Variants in TRPM1 observed in about 807,000 individuals in gnomAD.
TRPM1 encodes TRPM1-203 APA Isoform, Intron 10.
TRPM1 carries 113 observed loss-of-function variants against 149.4 expected under a neutral mutation model. The observed-to-expected ratio is 0.76, with a 90% CI of 0.65 to 0.88. TRPM1 has a LOEUF of 0.88. Ranked by LOEUF, TRPM1 falls within the 40% of genes least tolerant of loss-of-function variation. The pLI, the probability that TRPM1 is intolerant of heterozygous loss-of-function variation, is 0.00. For synonymous variants in TRPM1, 741 were observed against 759.5 expected (o/e 0.98, Z 0.40); for missense variants, 1,976 against 2,038.7 (o/e 0.97, Z 0.59).
intron 1 of TRPM1, among the ~76,000 whole-genome samples, chr15:31,154,420 T>C (rs2036341652): frequency 2.6e-5 from 4 of 152,174 alleles, no homozygotes; most frequent in Admixed American, 2.6e-4. Flanking sequence ...ACAGGAATTG[T>C]TTTGAATCTG....
chr15:31,087,231 ATTTTTTTTTTTTTTTTT>A (rs58872566), intron 1 of TRPM1, among the ~76,000 whole-genome samples: 2 of 59,402 alleles, frequency 3.4e-5, no homozygotes, highest in Admixed American at 2.5e-4. Flanking sequence ...CTCAATAGGG[ATTTTTTTTTTTTTTTTT>A]TTTTTTTTTT....
intron 27 of TRPM1, among the ~76,000 whole-genome samples, chr15:31,005,257 G>A (rs775021979): frequency 2.6e-5 from 4 of 151,932 alleles, no homozygotes; most frequent in South Asian, 4.1e-4. Flanking sequence ...AGATATTGCC[G>A]CTGTGCAAAC....
chr15:31,015,161 A>AC (rs71106665), intron 27 of TRPM1, among the ~76,000 whole-genome samples: 152,317 of 152,322 alleles, frequency 1, 76,156 homozygotes, highest in Non-Finnish European at 1. Context: ...TAATCCCAGC[A>AC]TTTGGGAGGC....
chr15:31,094,678 C>T (rs1338144468), intron 1 of TRPM1, among the ~76,000 whole-genome samples: 1 of 152,158 alleles, frequency 6.6e-6, no homozygotes, highest in Non-Finnish European at 1.5e-5. Flanking sequence ...CACTTCATTC[C>T]TACTAGGATG....
chr15:31,002,394 G>A lies in TRPM1; in HGVS notation c.4306C>T (p.Pro1436Ser), dbSNP rs1466547591. 1 of 1,614,252 alleles carries A rather than the reference G, an allele frequency of 6.2e-7. No individual in the cohort carries two copies. The highest frequency in any genetic ancestry group is 1.3e-5 in the African/African-American group (1 of 75,070). The change falls in exon 28 of 28, where the codon CCC (proline) becomes TCC (serine). Residue 1436 changes from proline to serine, a missense_variant. Transcript: ENST00000256552. ...CGTGTAATTTTGGTTTCTTCCAGGG[G>A]ATAGGAAATAGTGCCTTCTATATTT... ...TTNIEGTISY[P>S]LEETKITRYF...
chr15:31,111,895 A>ACC (rs548952056), intron 1 of TRPM1, among the ~76,000 whole-genome samples: 4 of 151,782 alleles, frequency 2.6e-5, no homozygotes, highest in Admixed American at 6.6e-5. Flanking sequence ...CAAAGCACCC[A>ACC]CCCCCCCAAA....
At position 31,063,204 on chromosome 15, in the gene TRPM1, C is replaced by T. The variant is rs749773584; in HGVS notation, c.879G>A (p.Glu293=). 6.2e-7 allele frequency: 1 copy of T among 1,614,218 alleles called. No homozygotes were observed. The highest frequency in any genetic ancestry group is 1.1e-5 in the South Asian group (1 of 91,084). Residue 293 remains glutamate (E), a synonymous_variant, in exon 8 of 28, where the codon GAG becomes GAA. Transcript: ENST00000256552. The part of the protein sequence containing the change: ...VSIVLEYLQE[E]PPIPVVICDG... Reference sequence around the variant, plus strand: ...CACAAATCACCACAGGGATGGGAGGCTCTTCTTGCAGGTATTCCAAGACGA... The same window carrying T: ...CACAAATCACCACAGGGATGGGAGGTTCTTCTTGCAGGTATTCCAAGACGA...
intron 1 of TRPM1, among the ~76,000 whole-genome samples, chr15:31,090,466 A>C (rs2035204771): frequency 6.6e-6 from 1 of 152,088 alleles, no homozygotes; most frequent in African/African-American, 2.4e-5. Flanking sequence ...GTGAAATGCC[A>C]TCTTTACTAA....
chr15:31,129,911 C>T (rs1366741751), intron 1 of TRPM1, among the ~76,000 whole-genome samples: 2 of 152,214 alleles, frequency 1.3e-5, no homozygotes, highest in African/African-American at 2.4e-5. Context: ...CTGTCAGGGA[C>T]ATTCTGCAGA....
chr15:31,076,497 T>C (rs1402476706), intron 3 of TRPM1, among the ~76,000 whole-genome samples: 1 of 152,246 alleles, frequency 6.6e-6, no homozygotes, highest in East Asian at 1.9e-4. Flanking sequence ...CCAAATCCTT[T>C]AATAAAGTTA....
In TRPM1 at chr15:31,002,974, T is replaced by C. The variant is rs761140696; in HGVS notation, c.3726A>G (p.Leu1242=). The C allele has an allele frequency of 1.1e-5, 17 of 1,597,242 alleles. No homozygotes were observed. The highest frequency in any genetic ancestry group is 4.5e-5 in the East Asian group (2 of 44,708). Residue 1242 remains leucine, a synonymous_variant, in exon 28 of 28, where the codon CTA becomes CTG. Transcript: ENST00000256552. ...TCACCATTCTGTTAGATAATTCTTC[T>C]AGCTGAGCAAGTCGAAGGTCAACAG... ...LQTVDLRLAQ[L]EELSNRMVNA...
In TRPM1 at chr15:31,049,492, T is replaced by C. The variant is rs755094572; in HGVS notation, c.1455A>G (p.Gln485=). 14 of 1,613,930 alleles carry C rather than the reference T, an allele frequency of 8.7e-6. No individual in the cohort carries two copies. The highest frequency in any genetic ancestry group is 1.2e-5 in the Non-Finnish European group (14 of 1,180,040). Reference sequence around the variant, plus strand: ...CTAAGACTAAAGCATCTAGCATCGCTTGCTCCAAAGCATTCACCTGCAGGG... The same window carrying C: ...CTAAGACTAAAGCATCTAGCATCGCCTGCTCCAAAGCATTCACCTGCAGGG... ...ELLNWVNALE[Q]AMLDALVLDR... is the part of the protein sequence containing the mutation. Residue 485 remains glutamine (Q), a synonymous_variant, in exon 13 of 28, where the codon CAA becomes CAG. Coordinates refer to ENST00000256552, the MANE Select transcript of TRPM1 (RefSeq NM_001252024.2).
chr15:31,091,442 C>T (rs1317634924), intron 1 of TRPM1, among the ~76,000 whole-genome samples: 2 of 152,222 alleles, frequency 1.3e-5, no homozygotes, highest in African/African-American at 2.4e-5. Flanking sequence ...CAGATCTCAG[C>T]ACCACCTGTT....
Position 31,032,837 on chromosome 15 carries a change from C to G in TRPM1, c.2804G>C (p.Gly935Ala), listed in dbSNP as rs1379774980. 6.2e-7 allele frequency: 1 copy of G among 1,614,206 alleles called. No homozygotes were observed. The highest frequency in any genetic ancestry group is 8.5e-7 in the Non-Finnish European group (1 of 1,180,044). Residue 935 changes from glycine to alanine, a missense_variant, in exon 22 of 28, where the codon GGA becomes GCA. Around this residue, in one of 3 missense-constraint regions of TRPM1, gnomAD observed 1,332 missense variants for 1,347.1 expected, o/e 0.99. Transcript: ENST00000256552. ...CTGGTTCTGTAGGCGAAGAATTGCT[C>G]CAATCATGAATGTGGAAATGGCCAC... Reference protein sequence around the residue: ...DLVAISTFMIGAILRLQNQPY... With the variant: ...DLVAISTFMIAAILRLQNQPY...
At position 31,040,978 on chromosome 15, in the gene TRPM1, G is replaced by A. The variant is rs2033596504; in HGVS notation, c.2088-632C>T. ...TTCTCAGTGCTATGACAGGGATGAG[G>A]CATAGTTGTCATAGGGCCCAGGCCA... On this transcript the variant is annotated intron_variant, in intron 17 of 27. Transcript: ENST00000256552. The surrounding 1 kb of genome is among the most constrained non-coding windows in gnomAD (Gnocchi z 4.2). Among the ~76,000 whole-genome samples, 3 of 152,186 alleles carry A rather than the reference G, an allele frequency of 2.0e-5. No homozygotes were observed. The highest frequency in any genetic ancestry group is 1.3e-4 in the Admixed American group (2 of 15,280).
chr15:31,010,591 C>A (rs1002630852), intron 27 of TRPM1, among the ~76,000 whole-genome samples: 7 of 151,980 alleles, frequency 4.6e-5, no homozygotes, highest in African/African-American at 1.5e-4. Context: ...TCCAAATTTT[C>A]ATTTGTTATT....
At chr15:31,038,470 T>C (rs1042160640) in intron 18 of TRPM1, among the ~76,000 whole-genome samples, 1 of 152,242 alleles carries the variant, frequency 6.6e-6, no homozygotes, top group East Asian at 1.9e-4. Flanking sequence ...CCAGCACTTT[T>C]GGGAGGCCAA....
At chr15:31,003,093 T>C (rs1319036147) in intron 27 of TRPM1, 23 bp from the exon 28 acceptor site, 1 of 1,581,716 alleles carries the variant, frequency 6.3e-7, no homozygotes, top group East Asian at 2.2e-5. Flanking sequence ...AAGGGATAGA[T>C]TTATTAAACT....
intron 1 of TRPM1, among the ~76,000 whole-genome samples, chr15:31,087,078 G>A (rs2035021564): frequency 6.6e-6 from 1 of 151,936 alleles, no homozygotes; most frequent in Admixed American, 6.6e-5. Flanking sequence ...GAAATAACAA[G>A]TGCTGGTGAG....
Sources: allele counts gnomAD v4.1 joint callset (sites outside exome capture counted in the v4.1 genomes callset), GRCh38; gene constraint gnomAD v4.1.1; regional missense constraint gnomAD v4.1.1; non-coding constraint Gnocchi (gnomAD v3.1); transcripts MANE v1.5; gene names NCBI Gene and HGNC (gene_info 2026-07-23, HGNC 2026-07-21).